Variants in ZNF91 observed in about 807,000 individuals in gnomAD.
The protein encoded by ZNF91 is zinc finger protein 91.
ZNF91 carries 7 observed loss-of-function variants against 12.6 expected under a neutral mutation model. The observed-to-expected ratio is 0.55, with a 90% confidence interval of 0.31 to 1.04. The LOEUF (loss-of-function observed/expected upper bound fraction) is 1.04, where lower values mean the gene tolerates loss of function less well. Among genes scored for constraint, ZNF91 ranks in the 50% least tolerant of loss-of-function variants. ZNF91 has a pLI of 0.05. For missense variants in ZNF91, 1,217 were observed against 1,385.4 expected (o/e 0.88, Z 1.93); for synonymous variants, 453 against 462.6 (o/e 0.98, Z 0.27).
intron 1 of ZNF91, 112 bp from the exon 2 acceptor site, chr19:23,374,876 T>A: frequency 6.7e-7 from 1 of 1,493,990 alleles, no homozygotes; most frequent in Non-Finnish European, 9.0e-7. Context: ...CTTATAAGAG[T>A]GGCTGAAATT....
upstream of ZNF91, among the ~76,000 whole-genome samples, chr19:23,314,399 CAGG>C (rs1331055051): frequency 1.1e-4 from 16 of 152,074 alleles, no homozygotes; most frequent in Admixed American, 1.0e-3. Flanking sequence ...ATGCAGCCCA[CAGG>C]AGATGTGATT....
chr19:23,311,801 G>A (rs1967475908), upstream of ZNF91, among the ~76,000 whole-genome samples: 1 of 151,812 alleles, frequency 6.6e-6, no homozygotes, highest in South Asian at 2.1e-4. Context: ...ACACCTAGGT[G>A]ACGTGACTCT....
chr19:23,348,187 C>A (rs1460188303), intron 3 of ZNF91, among the ~76,000 whole-genome samples: 2 of 149,020 alleles, frequency 1.3e-5, no homozygotes, highest in African/African-American at 2.4e-5. Flanking sequence ...CAGTGGTGGA[C>A]AAAAAAATCT....
chr19:23,353,018 T>G (rs1002114650), downstream of ZNF91, among the ~76,000 whole-genome samples: 1 of 152,112 alleles, frequency 6.6e-6, no homozygotes, highest in Non-Finnish European at 1.5e-5. Context: ...GTGGCAAACT[T>G]CAATACTCCA....
At chr19:23,357,671 AAG>A (rs1968526900), downstream of ZNF91, 1 of 151,818 alleles carries the variant, frequency 6.6e-6, no homozygotes, top group African/African-American at 2.4e-5. Context: ...AAAATTAAAA[AAG>A]ATTTATTCGG....
intron 3 of ZNF91, among the ~76,000 whole-genome samples, chr19:23,345,527 A>G (rs1968206918): frequency 6.6e-6 from 1 of 152,016 alleles, no homozygotes; most frequent in Admixed American, 6.6e-5. Context: ...ATCACAACCC[A>G]ACCTCTGCAA....
intron 1 of ZNF91, among the ~76,000 whole-genome samples, chr19:23,321,604 C>G (rs1398062347): frequency 2.0e-5 from 3 of 151,912 alleles, no homozygotes; most frequent in African/African-American, 7.3e-5. Flanking sequence ...GGCCCAGCTC[C>G]AAGATGTTAC....
intron 2 of ZNF91, 72 bp downstream of exon 2, chr19:23,374,566 A>G (rs2145098904): frequency 7.4e-7 from 1 of 1,353,694 alleles, no homozygotes; most frequent in South Asian, 1.5e-5. Context: ...TCTCAAAAAA[A>G]AAAAAAAAAA....
At chr19:23,365,092 TAGA>T (rs943244778) in intron 3 of ZNF91, among the ~76,000 whole-genome samples, 8 of 151,826 alleles carry the variant, frequency 5.3e-5, no homozygotes, top group Admixed American at 3.3e-4. Flanking sequence ...TAAAAAATCT[TAGA>T]AGAAGAATAT....
intron 3 of ZNF91, among the ~76,000 whole-genome samples, chr19:23,342,842 C>A (rs1008525962): frequency 1.6e-4 from 24 of 151,836 alleles, no homozygotes; most frequent in African/African-American, 5.3e-4. Flanking sequence ...TTCAGACATT[C>A]CCACTCCTCT....
chr19:23,386,901 C>A (rs1969891276), intron 1 of ZNF91, among the ~76,000 whole-genome samples: 1 of 152,158 alleles, frequency 6.6e-6, no homozygotes, highest in Non-Finnish European at 1.5e-5. Flanking sequence ...TATTTGCAAA[C>A]TATGCTTCTG....
chr19:23,387,441 G>A (rs1272728005), intron 1 of ZNF91, among the ~76,000 whole-genome samples: 2 of 152,206 alleles, frequency 1.3e-5, no homozygotes, highest in Non-Finnish European at 1.5e-5. Context: ...GTATGATCAG[G>A]CACAATGGCT....
intron 1 of ZNF91, among the ~76,000 whole-genome samples, chr19:23,317,859 AGAG>A (rs993533904): frequency 1.9e-4 from 29 of 152,216 alleles, no homozygotes; most frequent in Non-Finnish European, 3.5e-4. Context: ...GACCCAACAT[AGAG>A]GAGATGTTGA....
rs544431696 is a variant in ZNF91, at chr19:23,342,065, C to G, written c.254-3011G>C. 220 of 327,420 alleles carry G rather than the reference C, an allele frequency of 6.7e-4. 1 individual carries two copies. The highest frequency in any genetic ancestry group is 7.7e-4 in the Admixed American group (16 of 20,858). 20.3% of individuals were successfully genotyped at this position (327,420 alleles called of 1,614,324 possible). A position where few individuals can be genotyped will look rare whatever the true frequency, so the allele number is the denominator to read the frequency against. ...AGAAATAAATGGCTTTTTAGGAAAC[C>G]TTTCCATGGAAGCAGAGCATTCTAT... On this transcript the variant is annotated intron_variant, in intron 3 of 3. Coordinates refer to the ZNF91 transcript ENST00000599743.
chr19:23,374,637 C>T lies in ZNF91; in HGVS notation c.157+1G>A. The T allele has an allele frequency of 6.2e-7, 1 of 1,603,028 alleles. No individual in the cohort carries two copies. The highest frequency in any genetic ancestry group is 1.1e-5 in the South Asian group (1 of 90,588). On this transcript the variant is annotated splice_donor_variant, in intron 2 of 3. Coordinates refer to ENST00000300619, the MANE Select transcript of ZNF91 (RefSeq NM_003430.4). LOFTEE classifies it high-confidence loss of function. ...AAACTTAGTATTAAAGTTTTCCTTA[C>T]CCAGGAAGGCCAGGTTTCTGTAGTT...
At chr19:23,313,378 G>A (rs1470246625), upstream of ZNF91, among the ~76,000 whole-genome samples, 5 of 152,278 alleles carry the variant, frequency 3.3e-5, no homozygotes, top group Non-Finnish European at 5.9e-5. Flanking sequence ...CTGCTCACAG[G>A]GGGGATTGTG....
At chr19:23,327,581 T>C (rs1201788991) in intron 1 of ZNF91, 2 of 152,200 alleles carry the variant, frequency 1.3e-5, no homozygotes, top group African/African-American at 2.4e-5. Flanking sequence ...AATAAGTGCT[T>C]ACATGCTAAC....
chr19:23,313,928 A>ATCTTTAATT (rs2145846641), upstream of ZNF91, among the ~76,000 whole-genome samples: 1 of 152,286 alleles, frequency 6.6e-6, no homozygotes, highest in Admixed American at 6.5e-5. Flanking sequence ...CATAGCCAGA[A>ATCTTTAATT]CAGGGACACG....
At chr19:23,366,198 G>A (rs943384965) in intron 3 of ZNF91, among the ~76,000 whole-genome samples, 6 of 151,606 alleles carry the variant, frequency 4.0e-5, no homozygotes, top group Non-Finnish European at 7.4e-5. Flanking sequence ...GGCGGGGGCT[G>A]ACCCCCCCAC....
Sources: gnomAD v4.1 joint callset for allele counts (sites outside exome capture counted in the v4.1 genomes callset) on GRCh38, gnomAD v4.1.1 for gene constraint, MANE v1.5 for transcripts, NCBI Gene and HGNC (gene_info 2026-07-23, HGNC 2026-07-21) for gene names.